Variants in SPRED2 observed in about 807,000 individuals in gnomAD.
SPRED2 encodes sprouty related EVH1 domain containing 2, also known as sprouty-related, EVH1 domain-containing protein 2.
Under a neutral mutation model 43.0 loss-of-function variants are expected in SPRED2, and 47 were observed. The observed-to-expected ratio is 1.09, with a 90% CI of 0.87 to 1.40. The LOEUF (loss-of-function observed/expected upper bound fraction) is 1.40. Ranked by LOEUF, SPRED2 falls within the 40% of genes most tolerant of loss-of-function variation. The pLI, the probability that SPRED2 is intolerant of heterozygous loss-of-function variation, is 0.00. For missense variants in SPRED2, 561 were observed against 586.4 expected (o/e 0.96, Z 0.45); for synonymous variants, 225 against 225.7 (o/e 1.00, Z 0.03).
chr2:65,361,486 A>C (rs142875168), intron 1 of SPRED2, among the ~76,000 whole-genome samples: 204 of 152,372 alleles, frequency 1.3e-3, no homozygotes, highest in African/African-American at 4.7e-3. Flanking sequence ...CTACTTTAAT[A>C]GAAAGAACAC....
At chr2:65,374,819 C>T (rs1313806420) in intron 1 of SPRED2, among the ~76,000 whole-genome samples, 1 of 152,262 alleles carries the variant, frequency 6.6e-6, no homozygotes, top group Non-Finnish European at 1.5e-5. Context: ...ACTTCCTGCC[C>T]ATGGCTTACC....
chr2:65,311,144 G>A lies in SPRED2; in HGVS notation c.*2357C>T, dbSNP rs1215166561. ...CAGAAAATCTTTTGGTTAATGTTTTGTTACCACAGATACAAAAATAAAATC... is the reference window on the plus strand; with the variant it reads ...CAGAAAATCTTTTGGTTAATGTTTTATTACCACAGATACAAAAATAAAATC... On this transcript the variant is annotated 3_prime_UTR_variant, in exon 6 of 6. Coordinates refer to ENST00000356388, the MANE Select transcript of SPRED2 (RefSeq NM_181784.3). 4 of 985,742 alleles carry A rather than the reference G, an allele frequency of 4.1e-6. No individual in the cohort carries two copies. The highest frequency in any genetic ancestry group is 4.8e-6 in the Non-Finnish European group (4 of 829,920). 61.1% of individuals were successfully genotyped at this position (985,742 alleles called of 1,614,324 possible).
intron 1 of SPRED2, among the ~76,000 whole-genome samples, chr2:65,360,215 T>TA (rs1312103180): frequency 1.3e-5 from 2 of 151,952 alleles, no homozygotes; most frequent in Non-Finnish European, 2.9e-5. Context: ...GCCCTCGACT[T>TA]AATGTTGGTC....
intron 1 of SPRED2, among the ~76,000 whole-genome samples, chr2:65,365,670 G>C (rs1366820551): frequency 6.6e-6 from 1 of 152,178 alleles, no homozygotes; most frequent in East Asian, 1.9e-4. Context: ...AGACAGACCA[G>C]GAAAGCATAA....
Position 65,312,555 on chromosome 2 carries a change from G to T in SPRED2, c.*946C>A. On this transcript the variant is annotated 3_prime_UTR_variant, in exon 6 of 6. Coordinates refer to ENST00000356388, the MANE Select transcript of SPRED2 (RefSeq NM_181784.3). ...TGATTTGTGTTTGAGGAAACTATTT[G>T]GTTTGCAAAACAACAAGCAAAATTT... 1 of 985,468 alleles carries T rather than the reference G, an allele frequency of 1.0e-6. No individual in the cohort carries two copies. The highest frequency in any genetic ancestry group is 1.2e-6 in the Non-Finnish European group (1 of 829,898). 61.0% of individuals were successfully genotyped at this position (985,468 alleles called of 1,614,324 possible).
chr2:65,426,701 G>A (rs1167790121), intron 1 of SPRED2, among the ~76,000 whole-genome samples: 6 of 152,222 alleles, frequency 3.9e-5, no homozygotes, highest in Non-Finnish European at 5.9e-5. Flanking sequence ...CTGGGGGCAT[G>A]AGCAGAATGT....
chr2:65,360,602 C>G (rs867444696), intron 1 of SPRED2, among the ~76,000 whole-genome samples: 1 of 152,178 alleles, frequency 6.6e-6, no homozygotes, highest in Non-Finnish European at 1.5e-5. Context: ...TCCGCTTACA[C>G]CAGCTATCTA....
intron 1 of SPRED2, among the ~76,000 whole-genome samples, chr2:65,398,608 T>C (rs1378309395): frequency 2.0e-5 from 3 of 151,996 alleles, no homozygotes; most frequent in Non-Finnish European, 4.4e-5. Flanking sequence ...CCAACAAGCA[T>C]ATGGAGAAAT....
chr2:65,365,932 C>T (rs965327791), intron 1 of SPRED2, among the ~76,000 whole-genome samples: 5 of 152,088 alleles, frequency 3.3e-5, no homozygotes, highest in Admixed American at 6.5e-5. Flanking sequence ...ATCATGTGAA[C>T]GCTATAATTA....
At chr2:65,357,199 AG>A (rs1674677936) in intron 1 of SPRED2, among the ~76,000 whole-genome samples, 1 of 152,088 alleles carries the variant, frequency 6.6e-6, no homozygotes, top group Admixed American at 6.5e-5. Flanking sequence ...CTTTTTTTCT[AG>A]GATTCTGCCA....
chr2:65,398,353 C>T (rs1255626147), intron 1 of SPRED2, among the ~76,000 whole-genome samples: 1 of 152,038 alleles, frequency 6.6e-6, no homozygotes, highest in African/African-American at 2.4e-5. Context: ...CCAAGAACCC[C>T]AAAGCAAATG....
chr2:65,392,341 G>A (rs1258859079), intron 1 of SPRED2, among the ~76,000 whole-genome samples: 1 of 151,628 alleles, frequency 6.6e-6, no homozygotes. Context: ...ACCATGCCTG[G>A]CTAATTTTAA....
chr2:65,316,761 G>A lies in SPRED2; in HGVS notation c.561C>T (p.Tyr187=). 1.2e-6 allele frequency: 2 copies of A among 1,612,118 alleles called. No individual in the cohort carries two copies. The highest frequency in any genetic ancestry group is 1.7e-6 in the Non-Finnish European group (2 of 1,179,370). Residue 187 remains tyrosine, a synonymous_variant, in exon 5 of 6, where the codon TAC becomes TAT. Transcript: ENST00000356388. ...GATCGAGGTGATAGTGGTCTGTGGG[G>A]TATGAGTCGTGGAGGTGGCCCAGGG... ...IYTLGHLHDS[Y]PTDHYHLDQP...
At chr2:65,425,586 T>C (rs921597604) in intron 1 of SPRED2, among the ~76,000 whole-genome samples, 1 of 152,204 alleles carries the variant, frequency 6.6e-6, no homozygotes, top group African/African-American at 2.4e-5. Context: ...TGACTTTCTT[T>C]CCATGACATG....
At chr2:65,336,120 T>C (rs371711676) in intron 2 of SPRED2, among the ~76,000 whole-genome samples, 2 of 152,260 alleles carry the variant, frequency 1.3e-5, no homozygotes, top group South Asian at 4.1e-4. Context: ...TTTTGGGGGC[T>C]GAGGCAAGAG....
intron 1 of SPRED2, among the ~76,000 whole-genome samples, chr2:65,386,049 C>A (rs756438195): frequency 1.3e-5 from 2 of 152,050 alleles, no homozygotes; most frequent in East Asian, 3.9e-4. Flanking sequence ...CTTTGGGAAG[C>A]GGGGGCGGGA....
chr2:65,332,364 T>C (rs1042791087), intron 3 of SPRED2: 6 of 240,010 alleles, frequency 2.5e-5, no homozygotes, highest in Non-Finnish European at 5.0e-5. Flanking sequence ...CCCACTCCTC[T>C]GAGGGACATG....
intron 1 of SPRED2, among the ~76,000 whole-genome samples, chr2:65,349,376 A>G (rs970100265): frequency 1.3e-5 from 2 of 151,144 alleles, no homozygotes; most frequent in Non-Finnish European, 3.0e-5. Context: ...ACAACTTTGG[A>G]GAATATCCTT....
chr2:65,332,123 T>A, intron 3 of SPRED2, 72 bp from the exon 4 acceptor site: 1 of 998,786 alleles, frequency 1.0e-6, no homozygotes, highest in Non-Finnish European at 1.5e-6. Context: ...TAAAAAAGTA[T>A]ATTTTAATAA....
Sources: gnomAD v4.1 joint callset for allele counts (sites outside exome capture counted in the v4.1 genomes callset) on GRCh38, gnomAD v4.1.1 for gene constraint, MANE v1.5 for transcripts, NCBI Gene and HGNC (gene_info 2026-07-23, HGNC 2026-07-21) for gene names.